ERCC5: variants seen among roughly 807,000 people sequenced by gnomAD.
The protein encoded by ERCC5 is ERCC excision repair 5, endonuclease.
ERCC5 carries 68 observed loss-of-function variants against 105.6 expected under a neutral mutation model. That is an observed-to-expected ratio of 0.64 (90% CI 0.53 to 0.79). The LOEUF is 0.79. Ranked by LOEUF, ERCC5 falls within the 30% of genes least tolerant of loss-of-function variation. The pLI, the probability that ERCC5 is intolerant of heterozygous loss-of-function variation, is 0.00. For synonymous variants in ERCC5, 546 were observed against 526.2 expected (o/e 1.04, Z -0.51); for missense variants, 1,373 against 1,426.7 (o/e 0.96, Z 0.61).
At chr13:102,847,559 A>G (rs1882024270) in intron 1 of ERCC5, among the ~76,000 whole-genome samples, 1 of 152,212 alleles carries the variant, frequency 6.6e-6, no homozygotes, top group Admixed American at 6.5e-5. Flanking sequence ...TTTAAAACAT[A>G]ATGAGATTAT....
chr13:102,869,603 A>G (rs1882967998), intron 12 of ERCC5, among the ~76,000 whole-genome samples: 1 of 152,134 alleles, frequency 6.6e-6, no homozygotes, highest in Non-Finnish European at 1.5e-5. Flanking sequence ...ATCAACGATG[A>G]TATAGATTTA....
intron 7 of ERCC5, 123 bp downstream of exon 7, chr13:102,861,837 A>G (rs1882631526): frequency 1.7e-5 from 23 of 1,371,854 alleles, no homozygotes; most frequent in Non-Finnish European, 2.3e-5. Flanking sequence ...ATAACTGTAT[A>G]CTGCTATTAA....
intron 10 of ERCC5, 61 bp from the exon 11 acceptor site, chr13:102,866,571 C>T (rs1311269273): frequency 6.2e-7 from 1 of 1,605,786 alleles, no homozygotes; most frequent in Non-Finnish European, 8.5e-7. Context: ...ACTGCTCCCC[C>T]TGTGCTCAGG....
At chr13:102,854,173 C>G (rs546472953) in intron 3 of ERCC5, 115 bp from the exon 4 acceptor site, 2 of 1,148,464 alleles carry the variant, frequency 1.7e-6, no homozygotes, top group African/African-American at 1.5e-5. Context: ...TCCTTCCTTT[C>G]TCTCGGCTGC....
Position 102,869,510 on chromosome 13 carries a change from A to G in ERCC5, c.2678+1253A>G, listed in dbSNP as rs570339098. On this transcript the variant is annotated intron_variant, in intron 12 of 14. Transcript: ENST00000652225. Reference sequence around the variant, plus strand: ...TATGTATACTCATTTGAGTGTGTGTATGATTTTTTTTATAAGAATGGGATG... The same window carrying G: ...TATGTATACTCATTTGAGTGTGTGTGTGATTTTTTTTATAAGAATGGGATG... 1.4e-3 allele frequency among the ~76,000 whole-genome samples: 213 copies of G among 152,180 alleles called. 1 individual carries two copies. Among genetic ancestry groups the G allele is most frequent in the Non-Finnish European group, 2.0e-3 (138 of 67,994 alleles).
chr13:102,869,174 C>T (rs144242648), intron 12 of ERCC5, among the ~76,000 whole-genome samples: 30 of 152,232 alleles, frequency 2.0e-4, no homozygotes, highest in African/African-American at 5.5e-4. Flanking sequence ...AAATGAACGG[C>T]GAAACTGTTG....
intron 2 of ERCC5, among the ~76,000 whole-genome samples, chr13:102,852,611 C>T (rs1300101781): frequency 6.6e-6 from 1 of 152,218 alleles, no homozygotes; most frequent in African/African-American, 2.4e-5. Context: ...GCGGCCATCA[C>T]TCAGAACACT....
intron 14 of ERCC5, among the ~76,000 whole-genome samples, chr13:102,874,245 CATTA>C (rs1883123574): frequency 6.6e-6 from 1 of 152,096 alleles, no homozygotes; most frequent in Non-Finnish European, 1.5e-5. Context: ...TAAAACTACT[CATTA>C]GTTACCTCCT....
At chr13:102,874,337 T>C (rs1215658268) in intron 14 of ERCC5, among the ~76,000 whole-genome samples, 1 of 152,242 alleles carries the variant, frequency 6.6e-6, no homozygotes, top group Non-Finnish European at 1.5e-5. Context: ...ACTTAATAGA[T>C]CTAATCCTCC....
intron 1 of ERCC5, among the ~76,000 whole-genome samples, chr13:102,847,133 A>G (rs1435349130): frequency 6.6e-6 from 1 of 152,186 alleles, no homozygotes; most frequent in East Asian, 1.9e-4. Context: ...GAGGAAGGAT[A>G]GTGTGGACAG....
chr13:102,870,581 TAC>T (rs1354490863), intron 12 of ERCC5, among the ~76,000 whole-genome samples: 1 of 152,222 alleles, frequency 6.6e-6, no homozygotes, highest in Non-Finnish European at 1.5e-5. Context: ...CAGTCATGAT[TAC>T]AGTTTCAAAA....
intron 13 of ERCC5, 151 bp downstream of exon 13, chr13:102,872,549 C>G (rs917999636): frequency 1.0e-6 from 1 of 995,156 alleles, no homozygotes; most frequent in Non-Finnish European, 1.5e-6. Flanking sequence ...TCTTTCTTCC[C>G]TCTCCTCAGT....
Position 102,852,208 on chromosome 13 carries a change from ATCGGC to A in ERCC5, c.182_186del (p.Arg61LeufsTer15). 1 of 1,614,146 alleles carries A rather than the reference ATCGGC, an allele frequency of 6.2e-7. No individual in the cohort carries two copies. The highest frequency in any genetic ancestry group is 2.2e-5 in the East Asian group (1 of 44,858). ...AATCCTCATCTTCTCACTTTGTTTC[ATCGGC>A]TCTGCAAACTCTTATTTTTTCGAAT... is the stretch of plus-strand genomic sequence containing the variant. On this transcript the variant is annotated frameshift_variant, in exon 2 of 15. Transcript: ENST00000652225. LOFTEE classifies it high-confidence loss of function.
Position 102,846,146 on chromosome 13 carries a change from C to A in ERCC5, c.-121C>A. The A allele has an allele frequency of 1.3e-6, 1 of 751,396 alleles. No individual in the cohort carries two copies. The highest frequency in any genetic ancestry group is 2.4e-4 in the Middle Eastern group (1 of 4,166). The allele number at this position is 751,396 out of a possible 1,614,324, so 46.5% of individuals were successfully genotyped here. On this transcript the variant is annotated 5_prime_UTR_variant, in exon 1 of 15. Coordinates refer to ENST00000652225, the MANE Select transcript of ERCC5 (RefSeq NM_000123.4). ...AAAACCGTGGCTTCTGTATTATTTG[C>A]CATCTTTGTTGTGTAGGAGCAGGGA...
chr13:102,853,852 A>C lies in ERCC5; in HGVS notation c.360A>C (p.Lys120Asn). Residue 120 changes from lysine (K) to asparagine (N), a missense_variant, in exon 3 of 15, where the codon AAA (lysine) becomes AAC (asparagine). By Grantham distance (94) the Lys-to-Asn change is moderately conservative (BLOSUM62 0). Around this residue, in one of 3 missense-constraint regions of ERCC5, gnomAD observed 1,004 missense variants for 1,059.7 expected, o/e 0.95. Transcript: ENST00000652225. ...LKTFLKRQAI[K>N]TAFRSKRDEA... ...CATTTTTGAAAAGACAAGCCATCAAAACTGCCTTCAGAAGCAAAAGGCAAG... is the reference window on the plus strand; with the variant it reads ...CATTTTTGAAAAGACAAGCCATCAACACTGCCTTCAGAAGCAAAAGGCAAG... The C allele has an allele frequency of 1.2e-6, 2 of 1,614,228 alleles. No individual in the cohort carries two copies. Among genetic ancestry groups the C allele is most frequent in the Non-Finnish European group, 1.7e-6 (2 of 1,180,022 alleles).
chr13:102,864,342 C>T (rs190138751), intron 8 of ERCC5, among the ~76,000 whole-genome samples: 4 of 152,276 alleles, frequency 2.6e-5, no homozygotes, highest in Admixed American at 2.0e-4. Flanking sequence ...TTTGTTACTA[C>T]GTTGGTTGCC....
At chr13:102,861,434 A>T in intron 6 of ERCC5, 73 bp from the exon 7 acceptor site, 1 of 1,520,384 alleles carries the variant, frequency 6.6e-7, no homozygotes, top group Admixed American at 1.7e-5. Flanking sequence ...CTGTTGGGGA[A>T]AGGGTGGAAA....
At chr13:102,857,988 A>G (rs532088405) in intron 5 of ERCC5, among the ~76,000 whole-genome samples, 1 of 152,216 alleles carries the variant, frequency 6.6e-6, no homozygotes, top group African/African-American at 2.4e-5. Flanking sequence ...CTTATCTGGC[A>G]CCTTATCCGA....
In ERCC5 at chr13:102,866,333, A is replaced by C; in HGVS notation, c.2271A>C (p.Gln757His). The change falls in exon 10 of 15, where the codon CAA becomes CAC. Residue 757 changes from glutamine to histidine, a missense_variant. Gln to His is a conservative substitution (Grantham distance 24, BLOSUM62 0). Coordinates refer to ENST00000652225, the MANE Select transcript of ERCC5 (RefSeq NM_000123.4). Reference protein sequence around the residue: ...QNSLKAQKQQQERIAATVTGQ... With the variant: ...QNSLKAQKQQHERIAATVTGQ... Reference sequence around the variant, plus strand: ...CACTGAAAGCTCAAAAACAGCAGCAAGAACGGATCGCTGCTACTGTCACCG... The same window carrying C: ...CACTGAAAGCTCAAAAACAGCAGCACGAACGGATCGCTGCTACTGTCACCG... 8.7e-6 allele frequency: 14 copies of C among 1,614,244 alleles called. No individual in the cohort carries two copies. Among genetic ancestry groups the C allele is most frequent in the Non-Finnish European group, 1.2e-5 (14 of 1,180,034 alleles).
Sources: allele counts gnomAD v4.1 joint callset (sites outside exome capture counted in the v4.1 genomes callset), GRCh38; gene constraint gnomAD v4.1.1; regional missense constraint gnomAD v4.1.1; transcripts MANE v1.5; gene names NCBI Gene and HGNC (gene_info 2026-07-23, HGNC 2026-07-21).